NFYB: variants seen among roughly 807,000 people sequenced by gnomAD.
NFYB encodes the protein nuclear transcription factor Y subunit beta.
Under a neutral mutation model 28.0 loss-of-function variants are expected in NFYB, and 13 were observed. The observed-to-expected ratio is 0.46, with a 90% CI of 0.30 to 0.74. The LOEUF (loss-of-function observed/expected upper bound fraction) is 0.74. NFYB is among the 30% of genes least tolerant of loss of function. The probability of loss-of-function intolerance (pLI) is 0.07; values close to 1 mark genes in which losing one functional copy is unlikely to be tolerated. For synonymous variants in NFYB, 74 were observed against 75.0 expected (o/e 0.99, Z 0.07); for missense variants, 142 against 247.6 (o/e 0.57, Z 2.86).
At chr12:104,131,082 A>G (rs559702882) in intron 2 of NFYB, 28 of 152,382 alleles carry the variant, frequency 1.8e-4, no homozygotes, top group African/African-American at 5.8e-4. Flanking sequence ...TAACACAAAC[A>G]AAAGTATTAA....
Position 104,118,151 on chromosome 12 carries a change from G to C in NFYB, c.*1586C>G, listed in dbSNP as rs568035562. Reference sequence around the variant, plus strand: ...AAAAAAGCAGGTTACAAAATGGTATGCACAATATGAGCCCATTTTTATAAA... The same window carrying C: ...AAAAAAGCAGGTTACAAAATGGTATCCACAATATGAGCCCATTTTTATAAA... On this transcript the variant is annotated 3_prime_UTR_variant, in exon 8 of 8. Coordinates refer to ENST00000240055, the MANE Select transcript of NFYB (RefSeq NM_006166.4). The C allele has an allele frequency of 6.6e-6, 1 of 152,300 alleles. No homozygotes were observed. Among genetic ancestry groups the C allele is most frequent in the African/African-American group, 2.4e-5 (1 of 41,568 alleles). The allele number at this position is 152,300 out of a possible 1,614,324, so 9.4% of individuals were successfully genotyped here. A position where few individuals can be genotyped will look rare whatever the true frequency, so the allele number is the denominator to read the frequency against.
chr12:104,125,819 G>C (rs984558844), intron 4 of NFYB, among the ~76,000 whole-genome samples: 2 of 130,384 alleles, frequency 1.5e-5, no homozygotes, highest in African/African-American at 5.9e-5. Context: ...TTGCACTCCA[G>C]CCTGGCCAAT....
chr12:104,124,791 C>T (rs12580532), intron 4 of NFYB, among the ~76,000 whole-genome samples: 19,781 of 152,206 alleles, frequency 0.13, 1,360 homozygotes, highest in Middle Eastern at 0.21. Context: ...TACTGACCAG[C>T]GGCATAGCTG....
chr12:104,131,125 T>C (rs2030906593), intron 2 of NFYB: 1 of 152,252 alleles, frequency 6.6e-6, no homozygotes, highest in Non-Finnish European at 1.5e-5. Flanking sequence ...TATCTTGTCA[T>C]GCACTGGAAT....
rs994153312 is a variant in NFYB at position 104,117,547 on chromosome 12, C to G, written c.*2190G>C. Reference sequence around the variant, plus strand: ...TCAGCCACCAGGGAGTAAGGGACTACAGGTGTGCACCACCACACCCTGCTA... The same window carrying G: ...TCAGCCACCAGGGAGTAAGGGACTAGAGGTGTGCACCACCACACCCTGCTA... On this transcript the variant is annotated 3_prime_UTR_variant, in exon 8 of 8. Transcript: ENST00000240055. 1 of 152,118 alleles carries G rather than the reference C, an allele frequency of 6.6e-6. No homozygotes were observed. Among genetic ancestry groups the G allele is most frequent in the Non-Finnish European group, 1.5e-5 (1 of 68,060 alleles). The allele number at this position is 152,118 out of a possible 1,614,324, so 9.4% of individuals were successfully genotyped here.
intron 2 of NFYB, among the ~76,000 whole-genome samples, chr12:104,134,861 T>C (rs981167463): frequency 4.6e-5 from 7 of 152,238 alleles, no homozygotes; most frequent in African/African-American, 7.2e-5. Context: ...GTTACAGATA[T>C]AGTAGCACAT....
intron 1 of NFYB, chr12:104,137,666 A>T (rs2031159248): frequency 1.3e-5 from 2 of 149,520 alleles, no homozygotes; most frequent in Non-Finnish European, 3.0e-5. Context: ...GCCCCGCCAC[A>T]GCCCCGCGGG....
At chr12:104,127,576 TAAAAAATAAAAAAA>T (rs566980018) in intron 3 of NFYB, among the ~76,000 whole-genome samples, 133 of 65,238 alleles carry the variant, frequency 2.0e-3, no homozygotes, top group Non-Finnish European at 3.3e-3. Flanking sequence ...TCAAAAAAAA[TAAAAAATAAAAAAA>T]AAAAAAAAAT....
chr12:104,129,045 T>C (rs927995024), intron 2 of NFYB, among the ~76,000 whole-genome samples: 3 of 152,238 alleles, frequency 2.0e-5, no homozygotes, highest in African/African-American at 7.2e-5. Context: ...ATAAGTGATA[T>C]AAGCATAAGG....
At chr12:104,123,955 TC>T (rs1480809459) in intron 4 of NFYB, among the ~76,000 whole-genome samples, 1 of 151,710 alleles carries the variant, frequency 6.6e-6, no homozygotes, top group Admixed American at 6.6e-5. Flanking sequence ...AGAGCGAGAC[TC>T]CGTCTCAAAA....
intron 4 of NFYB, 129 bp from the exon 5 acceptor site, chr12:104,123,552 T>C: frequency 4.4e-6 from 3 of 689,630 alleles, no homozygotes; most frequent in Non-Finnish European, 7.3e-6. Flanking sequence ...AAATATATGT[T>C]ATAACATTAA....
intron 2 of NFYB, among the ~76,000 whole-genome samples, chr12:104,132,404 T>G (rs78005185): frequency 6.8e-6 from 1 of 146,744 alleles, no homozygotes; most frequent in Non-Finnish European, 1.5e-5. Context: ...CAAATCACAT[T>G]AAAAAAAAAA....
intron 4 of NFYB, 88 bp from the exon 5 acceptor site, chr12:104,123,511 A>G (rs2030562223): frequency 1.0e-6 from 1 of 969,758 alleles, no homozygotes; most frequent in Admixed American, 2.3e-5. Context: ...TCAGAAGAAC[A>G]CATCTTCACT....
At chr12:104,136,658 AG>A (rs2031110414) in intron 1 of NFYB, among the ~76,000 whole-genome samples, 5 of 152,000 alleles carry the variant, frequency 3.3e-5, no homozygotes, top group Admixed American at 2.0e-4. Context: ...GGAATGGGAG[AG>A]GGGGGTGTGG....
chr12:104,124,133 A>G (rs903602319), intron 4 of NFYB, among the ~76,000 whole-genome samples: 1 of 152,220 alleles, frequency 6.6e-6, no homozygotes, highest in African/African-American at 2.4e-5. Context: ...TAGCATTTCC[A>G]TGAATAAAGA....
chr12:104,135,378 GTT>G, intron 2 of NFYB, 68 bp downstream of exon 2: 1 of 1,401,712 alleles, frequency 7.1e-7, no homozygotes, highest in East Asian at 2.5e-5. Flanking sequence ...GTATAAATTG[GTT>G]ACAATTTTAT....
chr12:104,126,531 C>A (rs1302269895), intron 3 of NFYB, among the ~76,000 whole-genome samples: 1 of 152,170 alleles, frequency 6.6e-6, no homozygotes, highest in Non-Finnish European at 1.5e-5. Flanking sequence ...ATACCACCTT[C>A]AAAAATGATC....
intron 2 of NFYB, chr12:104,131,474 A>T: frequency 3.9e-6 from 1 of 259,270 alleles, no homozygotes; most frequent in South Asian, 3.6e-5. Context: ...TCCTCCTTTA[A>T]TCTTTCTGAT....
At position 104,119,785 on chromosome 12, in the gene NFYB, T is replaced by C; in HGVS notation, c.592-16A>G. 1 of 1,566,008 alleles carries C rather than the reference T, an allele frequency of 6.4e-7. No homozygotes were observed. The highest frequency in any genetic ancestry group is 8.8e-7 in the Non-Finnish European group (1 of 1,138,564). On this transcript the variant is annotated splice_polypyrimidine_tract_variant and intron_variant, in intron 7 of 7. Transcript: ENST00000240055. ...CACCAGAAATCTAAGATTAGAAAAT[T>C]TAAATTGAGCAGAATTAAAGAAAAG... is the stretch of plus-strand genomic sequence containing the variant.
Sources: gnomAD v4.1 joint callset for allele counts (sites outside exome capture counted in the v4.1 genomes callset) on GRCh38, gnomAD v4.1.1 for gene constraint, MANE v1.5 for transcripts, NCBI Gene and HGNC (gene_info 2026-07-23, HGNC 2026-07-21) for gene names.